The following SEPTIN10 variants were observed in gnomAD, a reference collection of about 807,000 sequenced individuals.
SEPTIN10 encodes the protein septin 10, also known as septin-10.
A neutral mutation model predicts 54.8 loss-of-function variants in SEPTIN10; 66 were observed. That is an observed-to-expected ratio of 1.21 (90% CI 0.99 to 1.48). SEPTIN10 has a LOEUF of 1.48. Among genes scored for constraint, SEPTIN10 ranks in the 40% most tolerant of loss-of-function variants. SEPTIN10 has a pLI of 0.00. For synonymous variants in SEPTIN10, 161 were observed against 181.0 expected, an observed-to-expected ratio of 0.89 and a Z score of 0.89; for missense variants, 620 against 545.6, an observed-to-expected ratio of 1.14 and a Z score of -1.36.
rs1694455572 is a variant in SEPTIN10, at chr2:109,593,085, C to A, written c.65G>T (p.Cys22Phe). The A allele has an allele frequency of 6.3e-7, 1 of 1,599,992 alleles. No homozygotes were observed. Residue 22 changes from cysteine to phenylalanine, a missense_variant, in exon 2 of 11, where the codon TGT (cysteine) becomes TTT (phenylalanine). Cys to Phe is a radical substitution (Grantham distance 205). Transcript: ENST00000397712. Reference protein sequence around the residue: ...FQSHMATKTTCMSSQGSDDEQ... With the variant: ...FQSHMATKTTFMSSQGSDDEQ... ...ATCATCTGATCCTTGTGAAGACATA[C>A]AAGTTGTTTTCGTTGCCATGTGAGA...
At chr2:109,545,923 G>T in intron 10 of SEPTIN10, 127 bp downstream of exon 10, 1 of 1,450,422 alleles carries the variant, frequency 6.9e-7, no homozygotes, top group Non-Finnish European at 9.2e-7. Context: ...CTCTCCAGGA[G>T]CTGACATTTA....
At chr2:109,551,860 A>G (rs1280884152) in intron 9 of SEPTIN10, among the ~76,000 whole-genome samples, 1 of 152,240 alleles carries the variant, frequency 6.6e-6, no homozygotes, top group Non-Finnish European at 1.5e-5. Context: ...CTGCTTCAGA[A>G]CTAGAAGCAA....
At position 109,557,851 on chromosome 2, in the gene SEPTIN10, C is replaced by CTTT. The variant is rs202104089; in HGVS notation, c.1029-4635_1029-4633dup. 7.0e-4 allele frequency among the ~76,000 whole-genome samples: 98 copies of CTTT among 140,792 alleles called. 3 individuals carry two copies. Among genetic ancestry groups the CTTT allele is most frequent in the South Asian group, 2.7e-3 (12 of 4,416 alleles). The allele number at this position is 140,792 out of a possible 152,430, so 92.4% of individuals were successfully genotyped here. A position where few individuals can be genotyped will look rare whatever the true frequency, so the allele number is the denominator to read the frequency against. ...AAAAGTAGCTTGCTGTCATAATTTT[C>CTTT]TTTTTTTTTTTTTTTGAGACGGGGT... On this transcript the variant is annotated intron_variant, in intron 8 of 10. Coordinates refer to ENST00000397712, the MANE Select transcript of SEPTIN10 (RefSeq NM_144710.5).
At chr2:109,594,538 A>G (rs1694855909) in intron 1 of SEPTIN10, among the ~76,000 whole-genome samples, 1 of 151,426 alleles carries the variant, frequency 6.6e-6, no homozygotes, top group African/African-American at 2.4e-5. Context: ...TTCTTTCTAC[A>G]GCACAGTGTT....
intron 10 of SEPTIN10, chr2:109,545,540 T>C: frequency 6.5e-7 from 1 of 1,535,806 alleles, no homozygotes; most frequent in South Asian, 1.2e-5. Flanking sequence ...ACAGCCTGGT[T>C]CCCTTATTAA....
chr2:109,593,918 TAA>T (rs1694685192), intron 1 of SEPTIN10, among the ~76,000 whole-genome samples: 1 of 152,228 alleles, frequency 6.6e-6, no homozygotes, highest in Non-Finnish European at 1.5e-5. Context: ...GCTAGCTCAT[TAA>T]GTTTATTTTC....
chr2:109,584,977 T>C (rs913161136), intron 4 of SEPTIN10, 149 bp downstream of exon 4: 2 of 422,202 alleles, frequency 4.7e-6, no homozygotes, highest in African/African-American at 4.1e-5. Context: ...AAGAACAAAA[T>C]ATTGTTTAAT....
intron 9 of SEPTIN10, among the ~76,000 whole-genome samples, chr2:109,551,646 T>A (rs1171365735): frequency 6.6e-6 from 1 of 152,200 alleles, no homozygotes; most frequent in African/African-American, 2.4e-5. Flanking sequence ...TTGTTTGAAC[T>A]TTTTCCAAAT....
chr2:109,548,067 C>T lies in SEPTIN10; in HGVS notation c.1162-1830G>A, dbSNP rs567915791. Among the ~76,000 whole-genome samples the T allele has an allele frequency of 1.5e-4, 23 of 152,012 alleles. No individual in the cohort carries two copies. The South Asian group carries it at 4.6e-3, about 30-fold the overall frequency. ...AAGAATTCTAAAAGATGTAGAAGAA[C>T]TAGTAATGAGAGGAAATACAGATGA... is the stretch of plus-strand genomic sequence containing the variant. On this transcript the variant is annotated intron_variant, in intron 9 of 10. Coordinates refer to ENST00000397712, the MANE Select transcript of SEPTIN10 (RefSeq NM_144710.5).
chr2:109,564,297 T>C (rs1686390979), intron 8 of SEPTIN10, 69 bp downstream of exon 8: 1 of 1,355,852 alleles, frequency 7.4e-7, no homozygotes, highest in Non-Finnish European at 9.7e-7. Flanking sequence ...CCCATCATCC[T>C]GGATATATAA....
intron 1 of SEPTIN10, among the ~76,000 whole-genome samples, chr2:109,598,377 CTTGACT>C (rs1695795148): frequency 6.6e-6 from 1 of 151,934 alleles, no homozygotes; most frequent in Non-Finnish European, 1.5e-5. Context: ...CCTATAATCA[CTTGACT>C]TTAACTTCAC....
chr2:109,563,777 C>T (rs751571675), intron 8 of SEPTIN10, among the ~76,000 whole-genome samples: 5 of 152,156 alleles, frequency 3.3e-5, no homozygotes, highest in Non-Finnish European at 7.4e-5. Flanking sequence ...TCACTCATTC[C>T]AAAACCTTTA....
intron 9 of SEPTIN10, chr2:109,552,818 T>G: frequency 2.8e-6 from 1 of 357,034 alleles, no homozygotes; most frequent in East Asian, 5.5e-5. Context: ...CCCAAGAGGG[T>G]AGCTGCTGCA....
intron 8 of SEPTIN10, among the ~76,000 whole-genome samples, chr2:109,562,233 T>A (rs1000659780): frequency 4.6e-5 from 7 of 151,544 alleles, no homozygotes; most frequent in Non-Finnish European, 8.8e-5. Flanking sequence ...ATAATAATAA[T>A]AAAATTAAAT....
chr2:109,561,854 A>G (rs1308410290), intron 8 of SEPTIN10, among the ~76,000 whole-genome samples: 1 of 152,102 alleles, frequency 6.6e-6, no homozygotes, highest in African/African-American at 2.4e-5. Flanking sequence ...TTTAATTTCA[A>G]ATTACATATC....
rs1699416299 is a variant in SEPTIN10, at chr2:109,612,278, T to C, written c.30+1520A>G. ...ACAAAATTATAAGAATAAAAACGAA[T>C]CACTGATTGTCTGGGGTTAAGAAGG... On this transcript the variant is annotated intron_variant, in intron 1 of 10. Coordinates refer to ENST00000397712, the MANE Select transcript of SEPTIN10 (RefSeq NM_144710.5). Among the ~76,000 whole-genome samples the C allele has an allele frequency of 2.0e-5, 3 of 152,114 alleles. No homozygotes were observed. The Middle Eastern group carries it at 0.01, about 521-fold the overall frequency.
At chr2:109,599,048 T>C (rs1308149419) in intron 1 of SEPTIN10, among the ~76,000 whole-genome samples, 1 of 152,152 alleles carries the variant, frequency 6.6e-6, no homozygotes, top group African/African-American at 2.4e-5. Flanking sequence ...TAAAATAAAG[T>C]TACAGGTTAA....
chr2:109,553,379 T>C (rs1342765164), intron 8 of SEPTIN10, among the ~76,000 whole-genome samples, 160 bp from the exon 9 acceptor site: 1 of 151,342 alleles, frequency 6.6e-6, no homozygotes, highest in Non-Finnish European at 1.5e-5. Flanking sequence ...ACCCTGTCTC[T>C]ACAAAAATAA....
chr2:109,591,621 G>A (rs1378269051), intron 2 of SEPTIN10, among the ~76,000 whole-genome samples: 1 of 152,236 alleles, frequency 6.6e-6, no homozygotes, highest in Admixed American at 6.5e-5. Flanking sequence ...TACTGGCCAG[G>A]TGTGGTGGCT....
Sources: gnomAD v4.1 joint callset for allele counts (sites outside exome capture counted in the v4.1 genomes callset) on GRCh38, gnomAD v4.1.1 for gene constraint, MANE v1.5 for transcripts, NCBI Gene and HGNC (gene_info 2026-07-23, HGNC 2026-07-21) for gene names.